The following SNX29 variants were observed in gnomAD, a reference collection of about 807,000 sequenced individuals.
The protein encoded by SNX29 is sorting nexin 29, also known as sorting nexin-29.
In SNX29, 78 loss-of-function variants were observed where a neutral mutation model predicts 102.1. That is an observed-to-expected ratio of 0.76 (90% CI 0.64 to 0.92). The LOEUF (loss-of-function observed/expected upper bound fraction) is 0.92, where lower values mean the gene tolerates loss of function less well. Among genes scored for constraint, SNX29 ranks in the 40% least tolerant of loss-of-function variants. The probability of loss-of-function intolerance (pLI) is 0.00; values close to 1 mark genes in which losing one functional copy is unlikely to be tolerated. For missense variants in SNX29, 1,280 were observed against 1,061.7 expected, an observed-to-expected ratio of 1.21 and a Z score of -2.86; for synonymous variants, 580 against 414.5, an observed-to-expected ratio of 1.40 and a Z score of -4.85.
At chr16:12,170,578 G>A (rs972917945) in intron 13 of SNX29, among the ~76,000 whole-genome samples, 8 of 151,874 alleles carry the variant, frequency 5.3e-5, no homozygotes, top group Non-Finnish European at 8.8e-5. Flanking sequence ...TGTGGGGGTG[G>A]AGAAGAATGC....
intron 16 of SNX29, among the ~76,000 whole-genome samples, chr16:12,358,337 A>G (rs9928921): frequency 0.066 from 9,977 of 152,238 alleles, 554 homozygotes; most frequent in African/African-American, 0.15. Context: ...AGGCCTCAGA[A>G]GAAGGGCAGA....
intron 11 of SNX29, among the ~76,000 whole-genome samples, chr16:12,112,375 G>C (rs774579362): frequency 5.9e-5 from 9 of 152,218 alleles, no homozygotes; most frequent in Non-Finnish European, 1.2e-4. Flanking sequence ...ACAGGGGGCA[G>C]GGCAGACTTC....
intron 14 of SNX29, among the ~76,000 whole-genome samples, chr16:12,249,837 A>G (rs973321997): frequency 6.6e-6 from 1 of 152,236 alleles, no homozygotes; most frequent in African/African-American, 2.4e-5. Flanking sequence ...TCCCGGCCCC[A>G]TTAACTCATG....
chr16:12,372,025 A>G (rs771135135), intron 16 of SNX29, among the ~76,000 whole-genome samples: 5 of 152,246 alleles, frequency 3.3e-5, no homozygotes, highest in Non-Finnish European at 7.3e-5. Flanking sequence ...TAAATAATGC[A>G]CAACTATCTA....
At chr16:12,561,368 G>A (rs141703515) in intron 20 of SNX29, among the ~76,000 whole-genome samples, 112 of 152,234 alleles carry the variant, frequency 7.4e-4, no homozygotes, top group African/African-American at 2.6e-3. Flanking sequence ...AGGGAGCTAG[G>A]TCGTGGAAGA....
chr16:12,301,632 C>T (rs2151099524), intron 15 of SNX29, among the ~76,000 whole-genome samples: 1 of 152,352 alleles, frequency 6.6e-6, no homozygotes, highest in South Asian at 2.1e-4. Flanking sequence ...GTTGTTGGCT[C>T]TTTATGGTCC....
chr16:12,360,756 A>T (rs2082278076), intron 16 of SNX29, among the ~76,000 whole-genome samples: 1 of 151,934 alleles, frequency 6.6e-6, no homozygotes, highest in African/African-American at 2.4e-5. Context: ...GATTTCTTTA[A>T]GTAGGTAGTT....
At chr16:12,497,617 T>C (rs1037125494) in intron 19 of SNX29, among the ~76,000 whole-genome samples, 1 of 152,214 alleles carries the variant, frequency 6.6e-6, no homozygotes, top group African/African-American at 2.4e-5. Context: ...CCTTCTCTTG[T>C]ATTTGCTGAC....
chr16:12,235,809 GTA>G (rs34207683), intron 14 of SNX29, among the ~76,000 whole-genome samples: 2,405 of 149,636 alleles, frequency 0.016, 60 homozygotes, highest in African/African-American at 0.058. Context: ...GTGTGTGTGT[GTA>G]TGTGTATGTG....
chr16:12,508,193 C>T (rs1026735911), intron 19 of SNX29, among the ~76,000 whole-genome samples: 1 of 152,140 alleles, frequency 6.6e-6, no homozygotes, highest in Admixed American at 6.5e-5. Flanking sequence ...GCTATTCTGT[C>T]TGTAGCCGTT....
At chr16:12,365,678 A>C (rs916337665) in intron 16 of SNX29, among the ~76,000 whole-genome samples, 2 of 148,842 alleles carry the variant, frequency 1.3e-5, no homozygotes, top group Non-Finnish European at 3.0e-5. Context: ...GTGACAGAGC[A>C]AGACTCCATC....
At position 12,572,283 on chromosome 16, in the gene SNX29, T is replaced by C. The variant is rs58203085; in HGVS notation, c.*3654T>C. 1,797 of 1,049,704 alleles carry C rather than the reference T, an allele frequency of 1.7e-3. 34 individuals are homozygous for C. In the African/African-American group the frequency reaches 0.03, roughly 17 times the overall value. The allele number at this position is 1,049,704 out of a possible 1,614,324, so 65.0% of individuals were successfully genotyped here. A position where few individuals can be genotyped will look rare whatever the true frequency, so the allele number is the denominator to read the frequency against. ...GGCTGTAGCTGATGCAACTAACAAG[T>C]ACTGGGGCCAGTGATCACAATCCAG... On this transcript the variant is annotated 3_prime_UTR_variant, in exon 21 of 21. Coordinates refer to ENST00000566228, the MANE Select transcript of SNX29 (RefSeq NM_032167.5).
chr16:12,548,376 T>TC (rs569131115), intron 20 of SNX29, among the ~76,000 whole-genome samples: 3 of 152,112 alleles, frequency 2.0e-5, no homozygotes, highest in African/African-American at 7.2e-5. Flanking sequence ...TGGAAGGGAG[T>TC]CCCACACCTT....
At chr16:12,534,967 C>G (rs982096144) in intron 20 of SNX29, among the ~76,000 whole-genome samples, 1 of 152,168 alleles carries the variant, frequency 6.6e-6, no homozygotes, top group African/African-American at 2.4e-5. Flanking sequence ...AGTTATCTGA[C>G]CTGAACGTCA....
At chr16:12,477,935 G>T in intron 19 of SNX29, 76 bp downstream of exon 19, 1 of 1,462,520 alleles carries the variant, frequency 6.8e-7, no homozygotes, top group African/African-American at 1.4e-5. Flanking sequence ...TCTTTAGTCC[G>T]TTGCTTAAAA....
chr16:12,015,035 G>T (rs1285463797), intron 3 of SNX29, among the ~76,000 whole-genome samples: 2 of 151,816 alleles, frequency 1.3e-5, no homozygotes, highest in African/African-American at 4.8e-5. Flanking sequence ...TTCCCTTTGG[G>T]TTGCTTATGT....
At chr16:12,220,470 G>T (rs1385257785) in intron 14 of SNX29, among the ~76,000 whole-genome samples, 1 of 152,122 alleles carries the variant, frequency 6.6e-6, no homozygotes, top group East Asian at 1.9e-4. Context: ...GGCAGACTCT[G>T]CGTGACCTGC....
At chr16:12,195,889 A>G (rs955710519) in intron 13 of SNX29, among the ~76,000 whole-genome samples, 10 of 151,510 alleles carry the variant, frequency 6.6e-5, no homozygotes, top group African/African-American at 2.4e-4. Context: ...AGAGGGACAT[A>G]GGCATGGAGA....
chr16:12,130,474 CAAAAAAAAAA>C (rs71139578), intron 13 of SNX29, among the ~76,000 whole-genome samples: 1 of 56,146 alleles, frequency 1.8e-5, no homozygotes, highest in Non-Finnish European at 3.5e-5. Context: ...GACTCCGTCT[CAAAAAAAAAA>C]AAAAAAAAAA....
Sources: allele counts gnomAD v4.1 joint callset (sites outside exome capture counted in the v4.1 genomes callset), GRCh38; gene constraint gnomAD v4.1.1; transcripts MANE v1.5; gene names NCBI Gene and HGNC (gene_info 2026-07-23, HGNC 2026-07-21).